SLC44A5: variants seen among roughly 807,000 people sequenced by gnomAD.
SLC44A5 encodes solute carrier family 44 member 5.
SLC44A5 carries 57 observed loss-of-function variants against 101.8 expected under a neutral mutation model. The observed-to-expected ratio is 0.56, with a 90% confidence interval of 0.45 to 0.70. The LOEUF is 0.70. Among genes scored for constraint, SLC44A5 ranks in the 30% least tolerant of loss-of-function variants. The pLI, the probability that SLC44A5 is intolerant of heterozygous loss-of-function variation, is 0.00. For missense variants in SLC44A5, 737 were observed against 853.1 expected (o/e 0.86, Z 1.70); for synonymous variants, 281 against 290.9 (o/e 0.97, Z 0.35).
the SLC44A5 span, among the ~76,000 whole-genome samples, chr1:75,634,577 T>C: frequency 6.6e-6 from 1 of 151,626 alleles, no homozygotes; most frequent in South Asian, 2.1e-4. Flanking sequence ...ATTCCCTATT[T>C]AATAAATGGT....
At chr1:75,504,614 T>C (rs1049542092) in intron 2 of SLC44A5, among the ~76,000 whole-genome samples, 1 of 152,112 alleles carries the variant, frequency 6.6e-6, no homozygotes, top group African/African-American at 2.4e-5. Context: ...TTTTTGTTTC[T>C]ACTAAAAAAT....
At chr1:75,326,916 T>C (rs1243800231) in intron 4 of SLC44A5, among the ~76,000 whole-genome samples, 2 of 152,136 alleles carry the variant, frequency 1.3e-5, no homozygotes, top group African/African-American at 4.8e-5. Context: ...CTCGCCTATC[T>C]ACAGAAAAGG....
intron 2 of SLC44A5, among the ~76,000 whole-genome samples, chr1:75,501,967 C>T (rs1232996854): frequency 6.6e-6 from 1 of 152,180 alleles, no homozygotes; most frequent in Non-Finnish European, 1.5e-5. Flanking sequence ...TCAAGTCACA[C>T]ATACAAAGCT....
At chr1:75,705,885 C>T in the SLC44A5 span, among the ~76,000 whole-genome samples, 1 of 152,170 alleles carries the variant, frequency 6.6e-6, no homozygotes, top group South Asian at 2.1e-4. Context: ...GCCATGATGG[C>T]CAGGCTGGTC....
intron 3 of SLC44A5, among the ~76,000 whole-genome samples, chr1:75,354,786 A>G (rs1434474872): frequency 6.6e-6 from 1 of 152,094 alleles, no homozygotes; most frequent in Non-Finnish European, 1.5e-5. Flanking sequence ...TCTCCCAGGA[A>G]TTTTCCAGAA....
At chr1:75,407,254 GAATC>G (rs2101481510) in intron 2 of SLC44A5, among the ~76,000 whole-genome samples, 1 of 152,202 alleles carries the variant, frequency 6.6e-6, no homozygotes, top group African/African-American at 2.4e-5. Flanking sequence ...TGGATAGGAA[GAATC>G]AATATCATGA....
At chr1:75,723,314 G>A in the SLC44A5 span, among the ~76,000 whole-genome samples, 5 of 152,100 alleles carry the variant, frequency 3.3e-5, no homozygotes, top group African/African-American at 4.8e-5. Flanking sequence ...AACACTGAGC[G>A]CCCGTTCCCA....
At chr1:75,260,054 G>A (rs1274760187) in intron 6 of SLC44A5, among the ~76,000 whole-genome samples, 1 of 152,102 alleles carries the variant, frequency 6.6e-6, no homozygotes, top group Non-Finnish European at 1.5e-5. Context: ...GGAACAACCA[G>A]TACCAGCCAC....
intron 6 of SLC44A5, among the ~76,000 whole-genome samples, chr1:75,263,924 G>T (rs187270179): frequency 3.2e-4 from 49 of 152,158 alleles, no homozygotes; most frequent in African/African-American, 9.6e-4. Flanking sequence ...AGTGGGAGTT[G>T]AACAATGAGC....
the SLC44A5 span, among the ~76,000 whole-genome samples, chr1:75,666,486 T>C: frequency 6.6e-6 from 1 of 152,158 alleles, no homozygotes; most frequent in Non-Finnish European, 1.5e-5. Flanking sequence ...CCAGATGGAT[T>C]CACAGCCAAG....
intron 3 of SLC44A5, among the ~76,000 whole-genome samples, chr1:75,375,949 C>A (rs1660557268): frequency 6.6e-6 from 1 of 152,156 alleles, no homozygotes; most frequent in East Asian, 1.9e-4. Context: ...CTTGGGAGTG[C>A]CAGGCAGTGG....
At chr1:75,289,717 C>T (rs1180731528) in intron 5 of SLC44A5, among the ~76,000 whole-genome samples, 1 of 152,020 alleles carries the variant, frequency 6.6e-6, no homozygotes, top group Non-Finnish European at 1.5e-5. Flanking sequence ...AAAATTAAAC[C>T]AGATTTATAG....
At chr1:75,495,667 A>G (rs1436241833) in intron 2 of SLC44A5, among the ~76,000 whole-genome samples, 1 of 151,996 alleles carries the variant, frequency 6.6e-6, no homozygotes, top group Non-Finnish European at 1.5e-5. Flanking sequence ...ACTCAAAGAC[A>G]AGTATCGGAA....
intron 6 of SLC44A5, among the ~76,000 whole-genome samples, chr1:75,262,127 T>A (rs994306668): frequency 6.6e-6 from 1 of 152,160 alleles, no homozygotes; most frequent in African/African-American, 2.4e-5. Flanking sequence ...TATTAGAAGT[T>A]CTGGCCAGGG....
chr1:75,411,266 T>C (rs1663262110), intron 2 of SLC44A5, among the ~76,000 whole-genome samples: 3 of 152,208 alleles, frequency 2.0e-5, no homozygotes, highest in South Asian at 2.1e-4. Context: ...TCAAGTCCAA[T>C]GAGGCAGGAA....
chr1:75,451,806 T>A (rs545710960), intron 2 of SLC44A5, among the ~76,000 whole-genome samples: 79 of 151,920 alleles, frequency 5.2e-4, no homozygotes, highest in African/African-American at 9.4e-4. Context: ...AAAATTTTTT[T>A]AAAAAAAATT....
chr1:75,708,980 C>A, the SLC44A5 span, among the ~76,000 whole-genome samples: 1 of 152,120 alleles, frequency 6.6e-6, no homozygotes, highest in East Asian at 1.9e-4. Context: ...GTCCCACTCT[C>A]CTCCTTGTTC....
intron 2 of SLC44A5, among the ~76,000 whole-genome samples, chr1:75,438,383 T>A (rs1388861397): frequency 6.6e-6 from 1 of 152,106 alleles, no homozygotes; most frequent in Non-Finnish European, 1.5e-5. Flanking sequence ...ATATCATGAA[T>A]AAAACATTCT....
chr1:75,354,878 T>C lies in SLC44A5; in HGVS notation c.53-15248A>G, dbSNP rs1570756369. 2.6e-5 allele frequency among the ~76,000 whole-genome samples: 4 copies of C among 152,220 alleles called. No individual in the cohort carries two copies. The South Asian group carries it at 8.3e-4, about 32-fold the overall frequency. On this transcript the variant is annotated intron_variant, in intron 3 of 23. Transcript: ENST00000370859. ...AGAAAGGAGCTCCGGGCTTCTTTTCTGTGCCACAGTGGATTCTGACACATG... is the reference window on the plus strand; with the variant it reads ...AGAAAGGAGCTCCGGGCTTCTTTTCCGTGCCACAGTGGATTCTGACACATG...
Sources: gnomAD v4.1 joint callset for allele counts (sites outside exome capture counted in the v4.1 genomes callset) on GRCh38, gnomAD v4.1.1 for gene constraint, MANE v1.5 for transcripts, NCBI Gene and HGNC (gene_info 2026-07-23, HGNC 2026-07-21) for gene names.